Variants in LRP12 observed in about 807,000 individuals in gnomAD.
LRP12 encodes the protein low-density lipoprotein receptor-related protein 12.
In LRP12, 14 loss-of-function variants were observed where a neutral mutation model predicts 66.0. The ratio of observed to expected loss-of-function variants is 0.21; its 90% CI spans 0.14 to 0.33. The LOEUF is 0.33. Among genes scored for constraint, LRP12 ranks in the 10% least tolerant of loss-of-function variants. The probability of loss-of-function intolerance (pLI) is 1.00; values close to 1 mark genes in which losing one functional copy is unlikely to be tolerated. For missense variants in LRP12, 889 were observed against 1,053.4 expected, an observed-to-expected ratio of 0.84 and a Z score of 2.16; for synonymous variants, 357 against 359.1, an observed-to-expected ratio of 0.99 and a Z score of 0.07.
intron 1 of LRP12, among the ~76,000 whole-genome samples, chr8:104,584,412 A>T (rs915679693): frequency 6.6e-6 from 1 of 151,984 alleles, no homozygotes; most frequent in African/African-American, 2.4e-5. Flanking sequence ...AACATCTCAT[A>T]TCAGAAACAC....
rs1484065338 is a variant in LRP12, at chr8:104,489,515, T to G, written c.*1158A>C. The stretch of plus-strand genomic sequence containing the variant: ...ATATGTTGGGTTTTGCAATTCACAC[T>G]ACTTAAAAAGGGGGGATGATCTGAA... On this transcript the variant is annotated 3_prime_UTR_variant, in exon 7 of 7. Transcript: ENST00000276654. 2 of 152,474 alleles carry G rather than the reference T, an allele frequency of 1.3e-5. No individual in the cohort carries two copies. The highest frequency in any genetic ancestry group is 4.8e-5 in the African/African-American group (2 of 41,442). 9.4% of individuals were successfully genotyped at this position (152,474 alleles called of 1,614,324 possible). A position where few individuals can be genotyped will look rare whatever the true frequency, so the allele number is the denominator to read the frequency against.
At chr8:104,493,938 T>C (rs981985002) in intron 6 of LRP12, among the ~76,000 whole-genome samples, 2 of 152,210 alleles carry the variant, frequency 1.3e-5, no homozygotes, top group African/African-American at 4.8e-5. Context: ...TGTAATAAAC[T>C]GTAATCGCAA....
intron 1 of LRP12, among the ~76,000 whole-genome samples, chr8:104,532,865 C>T (rs1811346497): frequency 6.6e-6 from 1 of 152,064 alleles, no homozygotes; most frequent in African/African-American, 2.4e-5. Flanking sequence ...AGGCACAGTT[C>T]CTGATACAGA....
chr8:104,573,068 G>A (rs542186478), intron 1 of LRP12, among the ~76,000 whole-genome samples: 6 of 152,198 alleles, frequency 3.9e-5, no homozygotes, highest in African/African-American at 1.2e-4. Flanking sequence ...CTTAATACTC[G>A]ATTGTATTTT....
chr8:104,501,266 T>C (rs1222025995), intron 3 of LRP12, among the ~76,000 whole-genome samples: 1 of 152,150 alleles, frequency 6.6e-6, no homozygotes, highest in Admixed American at 6.5e-5. Context: ...GTGTGATCTC[T>C]TATTGTGGTT....
intron 1 of LRP12, among the ~76,000 whole-genome samples, chr8:104,584,873 A>G (rs1366775599): frequency 6.6e-6 from 1 of 152,180 alleles, no homozygotes. Context: ...TACTTCTACA[A>G]CCTTTCTAAA....
intron 1 of LRP12, among the ~76,000 whole-genome samples, chr8:104,548,409 TG>T (rs1184173283): frequency 9.1e-5 from 9 of 99,064 alleles, no homozygotes; most frequent in African/African-American, 3.9e-4. Flanking sequence ...TATAAATATA[TG>T]ATATATTAAT....
intron 1 of LRP12, among the ~76,000 whole-genome samples, chr8:104,555,135 A>C (rs1295034033): frequency 6.6e-6 from 1 of 152,194 alleles, no homozygotes; most frequent in Non-Finnish European, 1.5e-5. Context: ...TAAATCTTGA[A>C]ACCAATCCTT....
chr8:104,541,831 A>G (rs550319995), intron 1 of LRP12, among the ~76,000 whole-genome samples: 2 of 152,280 alleles, frequency 1.3e-5, no homozygotes, highest in Admixed American at 6.5e-5. Context: ...ACCATGACTC[A>G]GTACTTCATT....
At chr8:104,499,574 G>T in intron 3 of LRP12, 55 bp from the exon 4 acceptor site, 1 of 1,207,436 alleles carries the variant, frequency 8.3e-7, no homozygotes, top group Non-Finnish European at 1.2e-6. Context: ...AAAAAAAATC[G>T]TATTACAAAG....
intron 2 of LRP12, among the ~76,000 whole-genome samples, chr8:104,515,265 CAT>C (rs1223641594): frequency 6.6e-6 from 1 of 152,158 alleles, no homozygotes; most frequent in Non-Finnish European, 1.5e-5. Flanking sequence ...ATTGCTTAAA[CAT>C]AGTTATTTCA....
chr8:104,571,652 T>G (rs1322841797), intron 1 of LRP12, among the ~76,000 whole-genome samples: 2 of 152,202 alleles, frequency 1.3e-5, no homozygotes, highest in African/African-American at 4.8e-5. Context: ...CCAAATCTCT[T>G]TCCTTTATAA....
chr8:104,548,970 T>A (rs974407265), intron 1 of LRP12, among the ~76,000 whole-genome samples: 1 of 151,836 alleles, frequency 6.6e-6, no homozygotes, highest in African/African-American at 2.4e-5. Context: ...AATATGAATC[T>A]CAAGTTTATC....
At position 104,497,434 on chromosome 8, in the gene LRP12, C is replaced by G; in HGVS notation, c.1118G>C (p.Gly373Ala). ...GGGTATTTCCCATGGCAAACAGAAC[C>G]CATCTACTTGGTAAGTAGCATTAAA... ...RGFNATYQVD[G>A]FCLPWEIPCG... Residue 373 changes from glycine to alanine, a missense_variant, in exon 5 of 7, where the codon GGG becomes GCG. Coordinates refer to ENST00000276654, the MANE Select transcript of LRP12 (RefSeq NM_013437.5). The surrounding 1 kb of genome is among the most constrained non-coding windows in gnomAD (Gnocchi z 4.3). 6.2e-7 allele frequency: 1 copy of G among 1,614,130 alleles called. No individual in the cohort carries two copies. Among genetic ancestry groups the G allele is most frequent in the Non-Finnish European group, 8.5e-7 (1 of 1,180,004 alleles).
intron 2 of LRP12, among the ~76,000 whole-genome samples, chr8:104,510,484 A>C (rs1810974844): frequency 6.6e-6 from 1 of 152,100 alleles, no homozygotes; most frequent in Admixed American, 6.5e-5. Flanking sequence ...TTATTCTTGC[A>C]CTATCTGGAA....
intron 1 of LRP12, among the ~76,000 whole-genome samples, chr8:104,561,441 A>G (rs1237019158): frequency 2.6e-5 from 4 of 152,182 alleles, no homozygotes; most frequent in African/African-American, 9.6e-5. Flanking sequence ...TCATCCACTG[A>G]TGATCACAGC....
At chr8:104,564,876 T>C (rs959859580) in intron 1 of LRP12, among the ~76,000 whole-genome samples, 1 of 151,534 alleles carries the variant, frequency 6.6e-6, no homozygotes, top group Non-Finnish European at 1.5e-5. Context: ...GAGGTTGCAG[T>C]GAGCCTAGAT....
At chr8:104,534,379 A>G (rs185242330) in intron 1 of LRP12, among the ~76,000 whole-genome samples, 1 of 152,182 alleles carries the variant, frequency 6.6e-6, no homozygotes, top group Admixed American at 6.6e-5. Flanking sequence ...GGAATTAGAG[A>G]GGAAGATTTG....
intron 6 of LRP12, among the ~76,000 whole-genome samples, chr8:104,494,729 T>C (rs1424706268): frequency 1.3e-5 from 2 of 152,210 alleles, no homozygotes; most frequent in African/African-American, 2.4e-5. Context: ...TAATCTAGCA[T>C]GTTATATTGC....
Sources: gnomAD v4.1 joint callset for allele counts (sites outside exome capture counted in the v4.1 genomes callset) on GRCh38, gnomAD v4.1.1 for gene constraint, Gnocchi (gnomAD v3.1) non-coding constraint, MANE v1.5 for transcripts, NCBI Gene and HGNC (gene_info 2026-07-23, HGNC 2026-07-21) for gene names.